CCDC102B: variants seen among roughly 807,000 people sequenced by gnomAD.
CCDC102B encodes the protein coiled-coil domain containing 102B.
In CCDC102B, 75 loss-of-function variants were observed where a neutral mutation model predicts 57.4. The observed-to-expected ratio is 1.31, with a 90% confidence interval of 1.08 to 1.58. The LOEUF is 1.58. Ranked by LOEUF, CCDC102B falls within the 40% of genes most tolerant of loss-of-function variation. The probability of loss-of-function intolerance (pLI) is 0.00; values close to 1 mark genes in which losing one functional copy is unlikely to be tolerated. For missense variants in CCDC102B, 636 were observed against 582.6 expected (o/e 1.09, Z -0.94); for synonymous variants, 206 against 201.9 (o/e 1.02, Z -0.17).
chr18:69,042,322 C>G (rs2052453493), intron 7 of CCDC102B, among the ~76,000 whole-genome samples: 1 of 152,090 alleles, frequency 6.6e-6, no homozygotes, highest in South Asian at 2.1e-4. Flanking sequence ...GGGATAACTT[C>G]AGATTTCTAA....
chr18:69,038,629 A>T (rs2052355008), intron 7 of CCDC102B, among the ~76,000 whole-genome samples: 1 of 151,992 alleles, frequency 6.6e-6, no homozygotes, highest in Non-Finnish European at 1.5e-5. Flanking sequence ...CTAACTTTTT[A>T]CACTATTTCC....
At chr18:69,056,708 G>C (rs1472260502), downstream of CCDC102B, among the ~76,000 whole-genome samples, 1 of 134,254 alleles carries the variant, frequency 7.4e-6, no homozygotes, top group Non-Finnish European at 1.6e-5. Flanking sequence ...AGATACATTA[G>C]ATAGAGATAG....
chr18:68,841,472 A>G (rs8097398), intron 3 of CCDC102B, among the ~76,000 whole-genome samples: 119,815 of 152,112 alleles, frequency 0.79, 50,011 homozygotes, highest in Non-Finnish European at 0.92. Context: ...AAGACTTCCC[A>G]GGTAGAAAAT....
downstream of CCDC102B, among the ~76,000 whole-genome samples, chr18:69,055,638 G>T (rs1260872037): frequency 6.6e-6 from 1 of 152,096 alleles, no homozygotes; most frequent in South Asian, 2.1e-4. Context: ...GCCTGACCAT[G>T]TTTCTCTGCT....
intron 6 of CCDC102B, among the ~76,000 whole-genome samples, chr18:68,973,333 A>G (rs1034102883): frequency 3.9e-5 from 6 of 152,294 alleles, no homozygotes; most frequent in Non-Finnish European, 8.8e-5. Context: ...AGGGAAATGT[A>G]TAAATCACAT....
chr18:68,857,303 A>ATATTATAAAT, intron 4 of CCDC102B, among the ~76,000 whole-genome samples: 1 of 4,970 alleles, frequency 2.0e-4, no homozygotes, highest in Non-Finnish European at 4.6e-4. Flanking sequence ...TTATATATAT[A>ATATTATAAAT]ATATATATTT....
At chr18:69,023,149 G>A (rs529036473) in intron 7 of CCDC102B, among the ~76,000 whole-genome samples, 4 of 152,240 alleles carry the variant, frequency 2.6e-5, no homozygotes, top group African/African-American at 9.6e-5. Flanking sequence ...TACAGAAATG[G>A]AATCAGATCT....
exon 1 of CCDC102B, chr18:68,715,252 C>A (rs2031868812): frequency 2.2e-6 from 3 of 1,334,434 alleles, no homozygotes; most frequent in Middle Eastern, 2.8e-4. Flanking sequence ...CCCTCCACGC[C>A]CAGGAGCGTG....
At chr18:68,737,799 A>G (rs192412375) in intron 2 of CCDC102B, among the ~76,000 whole-genome samples, 114 of 152,240 alleles carry the variant, frequency 7.5e-4, no homozygotes, top group African/African-American at 2.5e-3. Flanking sequence ...TCACTAGCAC[A>G]AAGAACATAA....
chr18:69,005,175 ACAATCCAAT>A (rs1262951002), intron 6 of CCDC102B, among the ~76,000 whole-genome samples: 4 of 152,170 alleles, frequency 2.6e-5, no homozygotes, highest in African/African-American at 9.7e-5. Context: ...GATTGTGATA[ACAATCCAAT>A]GTATCTGAGT....
rs559143462 is a variant in CCDC102B at position 68,785,422 on chromosome 18, G to A, written c.-66-37944G>A. Among the ~76,000 whole-genome samples the A allele has an allele frequency of 7.0e-4, 106 of 152,216 alleles. 1 individual carries two copies. In the East Asian group the frequency reaches 0.013, roughly 18 times the overall value. ...CGCCACATTGACTTCCACAATGGTT[G>A]AACTAGTTTACAGTCCTACCAACAG... On this transcript the variant is annotated intron_variant, in intron 2 of 3. Coordinates refer to the CCDC102B transcript ENST00000578970.
chr18:68,764,224 T>A (rs139632015), intron 2 of CCDC102B, among the ~76,000 whole-genome samples: 16 of 152,266 alleles, frequency 1.1e-4, no homozygotes, highest in African/African-American at 3.6e-4. Context: ...TTCCAATGGA[T>A]TTTATTCCAG....
At chr18:68,898,995 T>G (rs2040340846) in intron 6 of CCDC102B, among the ~76,000 whole-genome samples, 1 of 151,960 alleles carries the variant, frequency 6.6e-6, no homozygotes, top group Non-Finnish European at 1.5e-5. Flanking sequence ...ATGTAGTTAT[T>G]TGGGCTGGGA....
upstream of CCDC102B, among the ~76,000 whole-genome samples, chr18:68,797,757 CTT>C (rs11409982): frequency 7.8e-5 from 10 of 128,026 alleles, no homozygotes; most frequent in Non-Finnish European, 8.2e-5. Flanking sequence ...ACTTCCTGGG[CTT>C]TTTTTTTTTT....
chr18:68,954,414 C>T (rs560668094), intron 6 of CCDC102B, among the ~76,000 whole-genome samples: 12 of 152,100 alleles, frequency 7.9e-5, no homozygotes, highest in Non-Finnish European at 1.6e-4. Flanking sequence ...AGTGAGACTC[C>T]GTCTCAAAAA....
chr18:69,041,153 G>A (rs1205003894), intron 7 of CCDC102B, among the ~76,000 whole-genome samples: 5 of 152,096 alleles, frequency 3.3e-5, no homozygotes, highest in African/African-American at 1.2e-4. Flanking sequence ...TCAGAAAGTT[G>A]AAGTGTATTT....
At chr18:69,009,469 C>T (rs649951) in intron 6 of CCDC102B, among the ~76,000 whole-genome samples, 9,033 of 152,060 alleles carry the variant, frequency 0.059, 465 homozygotes, top group East Asian at 0.21. Context: ...GACATAAATT[C>T]GAATTGATGT....
At chr18:68,958,230 G>C (rs572908422) in intron 6 of CCDC102B, among the ~76,000 whole-genome samples, 1 of 152,288 alleles carries the variant, frequency 6.6e-6, no homozygotes, top group East Asian at 1.9e-4. Context: ...TTCAAGATGA[G>C]ATTTGGGTAG....
intron 2 of CCDC102B, among the ~76,000 whole-genome samples, chr18:68,770,555 A>AGG (rs1491272257): frequency 2.6e-4 from 38 of 148,832 alleles, no homozygotes; most frequent in Middle Eastern, 3.5e-3. Flanking sequence ...CCTACCTCAG[A>AGG]GGGGGGAGAA....
Sources: allele counts gnomAD v4.1 joint callset (sites outside exome capture counted in the v4.1 genomes callset), GRCh38; gene constraint gnomAD v4.1.1; transcripts MANE v1.5; gene names NCBI Gene and HGNC (gene_info 2026-07-23, HGNC 2026-07-21).